Variants in ECE1 observed in about 807,000 individuals in gnomAD.
ECE1 encodes endothelin converting enzyme 1.
ECE1 carries 35 observed loss-of-function variants against 98.6 expected under a neutral mutation model. That is an observed-to-expected ratio of 0.35 (90% CI 0.27 to 0.47). The LOEUF (loss-of-function observed/expected upper bound fraction) is 0.47. ECE1 is among the 20% of genes least tolerant of loss of function. ECE1 has a pLI of 1.00. For synonymous variants in ECE1, 394 were observed against 407.1 expected, an observed-to-expected ratio of 0.97 and a Z score of 0.39; for missense variants, 814 against 1,025.3, an observed-to-expected ratio of 0.79 and a Z score of 2.81.
At chr1:21,244,292 C>T (rs1470203894) in intron 10 of ECE1, among the ~76,000 whole-genome samples, 4 of 152,204 alleles carry the variant, frequency 2.6e-5, no homozygotes, top group South Asian at 2.1e-4. Flanking sequence ...CTCCCTCAGC[C>T]GGTGTGGGCT....
intron 12 of ECE1, among the ~76,000 whole-genome samples, 188 bp downstream of exon 12, chr1:21,236,558 A>G (rs901586461): frequency 1.3e-5 from 2 of 152,226 alleles, no homozygotes; most frequent in African/African-American, 4.8e-5. Context: ...CTGAGGTGGG[A>G]GAATCGCTTG....
intron 1 of ECE1, among the ~76,000 whole-genome samples, chr1:21,321,028 AT>A (rs1638952105): frequency 6.6e-6 from 1 of 152,048 alleles, no homozygotes; most frequent in African/African-American, 2.4e-5. Flanking sequence ...CACCGCGCAG[AT>A]ATTTTCCCAC....
intron 1 of ECE1, among the ~76,000 whole-genome samples, chr1:21,333,029 G>A (rs1639236263): frequency 6.6e-6 from 1 of 152,096 alleles, no homozygotes; most frequent in African/African-American, 2.4e-5. Flanking sequence ...TTCCTGGGAG[G>A]GACTTATCCT....
intron 1 of ECE1, among the ~76,000 whole-genome samples, chr1:21,295,814 G>A (rs546420478): frequency 1.3e-5 from 2 of 152,280 alleles, no homozygotes; most frequent in East Asian, 3.9e-4. Context: ...ACATTTATCA[G>A]GCAATTAAGA....
At chr1:21,305,513 A>C (rs1344956308) in intron 1 of ECE1, among the ~76,000 whole-genome samples, 2 of 152,172 alleles carry the variant, frequency 1.3e-5, no homozygotes, top group Admixed American at 6.5e-5. Flanking sequence ...TCACTCTCAA[A>C]ACTGGGCACA....
chr1:21,266,239 T>C (rs575594780), intron 4 of ECE1: 1 of 151,900 alleles, frequency 6.6e-6, no homozygotes, highest in Non-Finnish European at 1.5e-5. Flanking sequence ...ATCCCCCACA[T>C]GCTGCTGGGA....
intron 4 of ECE1, among the ~76,000 whole-genome samples, chr1:21,272,186 G>A (rs2098240987): frequency 1.3e-5 from 2 of 152,124 alleles, no homozygotes; most frequent in South Asian, 2.1e-4. Context: ...AAGAAACTGA[G>A]GTTCAGAGAT....
intron 10 of ECE1, among the ~76,000 whole-genome samples, chr1:21,243,629 C>T (rs2098199437): frequency 6.6e-6 from 1 of 152,212 alleles, no homozygotes; most frequent in Non-Finnish European, 1.5e-5. Flanking sequence ...ATGTTCCACA[C>T]ACAGACCATC....
upstream of ECE1, among the ~76,000 whole-genome samples, chr1:21,291,869 C>A (rs2103364527): frequency 6.6e-6 from 1 of 152,020 alleles, no homozygotes; most frequent in East Asian, 1.9e-4. Flanking sequence ...CAGTGGTTCA[C>A]ACCTGTAATC....
Position 21,236,735 on chromosome 1 carries a change from G to C in ECE1, c.1488+11C>G, listed in dbSNP as rs1410537894. ...CCGCAGCACCCCCTCCAAGTGCCTG[G>C]CCAGCCTCACCTTTTCCTTGGCTGA... On this transcript the variant is annotated intron_variant, in intron 12 of 18. Transcript: ENST00000374893. 6.2e-7 allele frequency: 1 copy of C among 1,613,256 alleles called. No individual in the cohort carries two copies. Among genetic ancestry groups the C allele is most frequent in the African/African-American group, 1.3e-5 (1 of 74,840 alleles).
At chr1:21,265,375 T>C (rs2098232553) in intron 4 of ECE1, among the ~76,000 whole-genome samples, 1 of 152,058 alleles carries the variant, frequency 6.6e-6, no homozygotes, top group African/African-American at 2.4e-5. Context: ...CTACTAAAAA[T>C]ACAAAAGTTA....
At chr1:21,242,482 G>A (rs2098197805) in intron 10 of ECE1, among the ~76,000 whole-genome samples, 1 of 152,212 alleles carries the variant, frequency 6.6e-6, no homozygotes, top group African/African-American at 2.4e-5. Flanking sequence ...ACACAGCTAG[G>A]AGGTGGCTTT....
intron 8 of ECE1, among the ~76,000 whole-genome samples, chr1:21,248,908 G>C (rs1334768475): frequency 6.6e-6 from 1 of 151,830 alleles, no homozygotes; most frequent in Non-Finnish European, 1.5e-5. Flanking sequence ...ACAGCACTTT[G>C]AGCCACCCCA....
intron 17 of ECE1, among the ~76,000 whole-genome samples, chr1:21,224,919 C>T (rs757403659): frequency 1.3e-5 from 2 of 152,158 alleles, no homozygotes; most frequent in African/African-American, 2.4e-5. Flanking sequence ...CAGGGGCCTC[C>T]CAGACCCACA....
At chr1:21,304,091 G>A (rs1173233755) in intron 1 of ECE1, among the ~76,000 whole-genome samples, 4 of 150,766 alleles carry the variant, frequency 2.7e-5, no homozygotes, top group African/African-American at 7.3e-5. Context: ...TGAGGCAGGC[G>A]GATCACGAGG....
intron 14 of ECE1, among the ~76,000 whole-genome samples, chr1:21,231,981 G>T (rs1271240550): frequency 1.3e-5 from 2 of 152,194 alleles, no homozygotes; most frequent in Non-Finnish European, 2.9e-5. Context: ...GGTAGGCAAG[G>T]AAATTTAAAT....
intron 2 of ECE1, among the ~76,000 whole-genome samples, chr1:21,289,636 C>T (rs2098264279): frequency 3.3e-5 from 5 of 152,146 alleles, no homozygotes; most frequent in Admixed American, 3.3e-4. Context: ...CCAGTTTGCC[C>T]CGGACTGGGG....
rs763367806 is a variant in ECE1, at chr1:21,272,840, T to C, written c.352A>G (p.Thr118Ala). 6.2e-7 allele frequency: 1 copy of C among 1,614,218 alleles called. No individual in the cohort carries two copies. Among genetic ancestry groups the C allele is most frequent in the Non-Finnish European group, 8.5e-7 (1 of 1,180,030 alleles). The change falls in exon 4 of 19, where the codon ACA becomes GCA. Residue 118 changes from threonine to alanine, a missense_variant. By Grantham distance (58) the Thr-to-Ala change is moderately conservative. Transcript: ENST00000374893. ...TSSILSSMDP[T>A]VDPCHDFFSY... ...AAGAAGTCATGGCAGGGGTCCACTG[T>C]GGGGTCCATGGAGCTCAAGATGGAG...
At position 21,333,771 on chromosome 1, in the gene ECE1, T is replaced by G. The variant is rs553688623; in HGVS notation, c.3+11605A>C. Among the ~76,000 whole-genome samples, 110 of 151,222 alleles carry G rather than the reference T, an allele frequency of 7.3e-4. No individual in the cohort carries two copies. In the Middle Eastern group the frequency reaches 0.01, roughly 14 times the overall value. ...ATTGCTTAAACCCAGGAGGTGGAGG[T>G]TGTAGTGAGCTGAGATCGTGCCACT... On this transcript the variant is annotated intron_variant, in intron 1 of 18. Coordinates refer to the ECE1 transcript ENST00000415912.
Sources: allele counts gnomAD v4.1 joint callset (sites outside exome capture counted in the v4.1 genomes callset), GRCh38; gene constraint gnomAD v4.1.1; transcripts MANE v1.5; gene names NCBI Gene and HGNC (gene_info 2026-07-23, HGNC 2026-07-21).